The following PRLR variants were observed in gnomAD, a reference collection of about 807,000 sequenced individuals.
The protein encoded by PRLR is hPRL receptor.
PRLR carries 13 observed loss-of-function variants against 40.2 expected under a neutral mutation model. The observed-to-expected ratio is 0.32, with a 90% CI of 0.21 to 0.51. The LOEUF (loss-of-function observed/expected upper bound fraction) is 0.51, where lower values mean the gene tolerates loss of function less well. PRLR is among the 20% of genes least tolerant of loss of function. PRLR has a pLI of 0.97. For missense variants in PRLR, 656 were observed against 747.3 expected (o/e 0.88, Z 1.42); for synonymous variants, 269 against 278.7 (o/e 0.97, Z 0.35).
intron 9 of PRLR, 25 bp downstream of exon 9, chr5:35,068,191 C>T: frequency 1.9e-6 from 3 of 1,572,376 alleles, no homozygotes; most frequent in Non-Finnish European, 2.6e-6. Flanking sequence ...GAGTCACACT[C>T]CATTTTTTTG....
At chr5:35,227,726 G>A (rs1356871868) in intron 1 of PRLR, among the ~76,000 whole-genome samples, 2 of 152,188 alleles carry the variant, frequency 1.3e-5, no homozygotes, top group Non-Finnish European at 2.9e-5. Context: ...TGGAGAGAGA[G>A]TACATGCTGA....
At chr5:35,223,670 G>T (rs960798431) in intron 1 of PRLR, among the ~76,000 whole-genome samples, 1 of 152,182 alleles carries the variant, frequency 6.6e-6, no homozygotes, top group African/African-American at 2.4e-5. Context: ...TGGGCATGCT[G>T]CCCTCCAGAA....
At chr5:35,157,520 A>G (rs772794384) in intron 1 of PRLR, among the ~76,000 whole-genome samples, 8 of 152,146 alleles carry the variant, frequency 5.3e-5, no homozygotes, top group Admixed American at 2.0e-4. Context: ...GCCATATTCA[A>G]TGTAAGCCCA....
chr5:35,154,422 T>C (rs1045412879), intron 1 of PRLR, among the ~76,000 whole-genome samples: 3 of 152,178 alleles, frequency 2.0e-5, no homozygotes, highest in Non-Finnish European at 4.4e-5. Context: ...TTTTAACTTA[T>C]CTATTTATGT....
At chr5:35,097,676 C>T (rs1413042324) in intron 2 of PRLR, among the ~76,000 whole-genome samples, 1 of 152,152 alleles carries the variant, frequency 6.6e-6, no homozygotes, top group Non-Finnish European at 1.5e-5. Context: ...CTAATAATGG[C>T]TCACTCAGCA....
intron 2 of PRLR, among the ~76,000 whole-genome samples, chr5:35,107,958 C>T (rs533985506): frequency 5.3e-5 from 8 of 152,194 alleles, no homozygotes; most frequent in East Asian, 1.9e-4. Flanking sequence ...TGATGAACAT[C>T]GATGCAAAAA....
At chr5:35,052,609 G>A (rs928171021), downstream of PRLR, among the ~76,000 whole-genome samples, 1 of 152,112 alleles carries the variant, frequency 6.6e-6, no homozygotes, top group Non-Finnish European at 1.5e-5. Context: ...TTGCCCCAAA[G>A]TCAGCTTTAC....
intron 2 of PRLR, among the ~76,000 whole-genome samples, chr5:35,091,619 G>A (rs918612818): frequency 6.6e-6 from 1 of 152,122 alleles, no homozygotes; most frequent in Non-Finnish European, 1.5e-5. Flanking sequence ...TGGGAGAGAC[G>A]GTGGAGACAA....
At chr5:35,053,473 C>A (rs1297887072), downstream of PRLR, among the ~76,000 whole-genome samples, 1 of 152,098 alleles carries the variant, frequency 6.6e-6, no homozygotes, top group African/African-American at 2.4e-5. Flanking sequence ...CACAACATGG[C>A]AAAACCTCGT....
intron 1 of PRLR, among the ~76,000 whole-genome samples, chr5:35,185,925 T>C (rs1775414554): frequency 6.6e-6 from 1 of 152,212 alleles, no homozygotes. Flanking sequence ...GTTCTCTGAT[T>C]CGTCGAATGT....
In PRLR at chr5:35,065,426, T is replaced by G. The variant is rs758260139; in HGVS notation, c.1532A>C (p.Glu511Ala). ...ACCATCTTTGTTGACCTTGTGAATCTCCACATAATCCAAGGGTTTAGCGGA... is the reference window on the plus strand; with the variant it reads ...ACCATCTTTGTTGACCTTGTGAATCGCCACATAATCCAAGGGTTTAGCGGA... The part of the protein sequence containing the change: ...FGSAKPLDYV[E>A]IHKVNKDGAL... The change falls in exon 10 of 10, where the codon GAG (glutamate) becomes GCG (alanine). Residue 511 changes from glutamate to alanine, a missense_variant. Glu to Ala is a moderately radical substitution (Grantham distance 107). Around this residue, in one of 3 missense-constraint regions of PRLR, gnomAD observed 469 missense variants for 491.5 expected, o/e 0.95. Transcript: ENST00000618457. The G allele has an allele frequency of 6.2e-7, 1 of 1,614,150 alleles. No individual in the cohort carries two copies. The highest frequency in any genetic ancestry group is 8.5e-7 in the Non-Finnish European group (1 of 1,180,026).
Position 35,112,530 on chromosome 5 carries a change from G to A in PRLR, c.-44+5531C>T, listed in dbSNP as rs1438808857. ...GAAAGAGGAGAAAGCAGGAGGATGT[G>A]GAAATTCAAAGGCAGGTGGGCTAGG... On this transcript the variant is annotated intron_variant, in intron 2 of 9. Coordinates refer to ENST00000618457, the MANE Select transcript of PRLR (RefSeq NM_000949.7). Among the ~76,000 whole-genome samples, 4 of 152,058 alleles carry A rather than the reference G, an allele frequency of 2.6e-5. No homozygotes were observed. The South Asian group carries it at 6.2e-4, about 24-fold the overall frequency.
intron 1 of PRLR, among the ~76,000 whole-genome samples, chr5:35,191,048 C>CTTTTTTTTTTTTTT (rs869174221): frequency 1.5e-5 from 1 of 68,166 alleles, no homozygotes; most frequent in Non-Finnish European, 2.8e-5. Flanking sequence ...GTGTTATTTT[C>CTTTTTTTTTTTTTT]TTTTTTTTTT....
intron 1 of PRLR, among the ~76,000 whole-genome samples, chr5:35,140,260 A>G (rs1165866108): frequency 6.6e-6 from 1 of 152,244 alleles, no homozygotes; most frequent in African/African-American, 2.4e-5. Context: ...ATAAATGAAG[A>G]AAAAGGGCTA....
At chr5:35,069,155 C>T (rs1212147024) in intron 7 of PRLR, among the ~76,000 whole-genome samples, 1 of 152,150 alleles carries the variant, frequency 6.6e-6, no homozygotes, top group Non-Finnish European at 1.5e-5. Context: ...TCCAAGGTCA[C>T]ATGGTCGTTT....
intron 1 of PRLR, among the ~76,000 whole-genome samples, chr5:35,158,640 T>C (rs1451812590): frequency 6.6e-6 from 1 of 151,874 alleles, no homozygotes; most frequent in Non-Finnish European, 1.5e-5. Context: ...CAAGTGAGAG[T>C]ATCCAAGCCC....
chr5:35,052,937 T>C (rs1768552964), downstream of PRLR, among the ~76,000 whole-genome samples: 1 of 152,254 alleles, frequency 6.6e-6, no homozygotes, highest in South Asian at 2.1e-4. Context: ...TGGGTCTTCA[T>C]TCTGAAGGCT....
At chr5:35,084,294 T>A (rs1253303271) in intron 5 of PRLR, among the ~76,000 whole-genome samples, 176 bp downstream of exon 5, 1 of 152,192 alleles carries the variant, frequency 6.6e-6, no homozygotes, top group Admixed American at 6.5e-5. Flanking sequence ...AGCCTTAGTG[T>A]CATGAATGAC....
chr5:35,070,173 A>G lies in PRLR; in HGVS notation c.636T>C (p.His212=). The change falls in exon 7 of 10, where the codon CAT becomes CAC. Residue 212 remains histidine (H), a synonymous_variant. Coordinates refer to ENST00000618457, the MANE Select transcript of PRLR (RefSeq NM_000949.7). ...YLVQVRCKPD[H]GYWSAWSPAT... ...CTGGACTCCATGCACTCCAGTATCC[A>G]TGGTCTGGTTTGCAGCGAACCTGGA... 2 of 1,614,184 alleles carry G rather than the reference A, an allele frequency of 1.2e-6. No homozygotes were observed. The highest frequency in any genetic ancestry group is 1.7e-6 in the Non-Finnish European group (2 of 1,180,024).
Sources: gnomAD v4.1 joint callset for allele counts (sites outside exome capture counted in the v4.1 genomes callset) on GRCh38, gnomAD v4.1.1 for gene constraint, gnomAD v4.1.1 regional missense constraint, MANE v1.5 for transcripts, NCBI Gene and HGNC (gene_info 2026-07-23, HGNC 2026-07-21) for gene names.